PCBP3: variants seen among roughly 807,000 people sequenced by gnomAD.
PCBP3 encodes poly(rC)-binding protein 3.
Under a neutral mutation model 52.7 loss-of-function variants are expected in PCBP3, and 25 were observed. The observed-to-expected ratio is 0.47, with a 90% CI of 0.35 to 0.66. PCBP3 has a LOEUF of 0.66. Ranked by LOEUF, PCBP3 falls within the 30% of genes least tolerant of loss-of-function variation. The pLI, the probability that PCBP3 is intolerant of heterozygous loss-of-function variation, is 0.01. For missense variants in PCBP3, 391 were observed against 490.3 expected, an observed-to-expected ratio of 0.80 and a Z score of 1.91; for synonymous variants, 162 against 183.0, an observed-to-expected ratio of 0.89 and a Z score of 0.93.
chr21:45,831,780 G>A (rs1332303396), intron 4 of PCBP3, among the ~76,000 whole-genome samples: 3 of 152,174 alleles, frequency 2.0e-5, no homozygotes, highest in African/African-American at 7.2e-5. Flanking sequence ...GCGCAAATGT[G>A]GCTCACTGCA....
intron 2 of PCBP3, among the ~76,000 whole-genome samples, chr21:45,680,586 C>G (rs1434553340): frequency 2.6e-5 from 4 of 152,140 alleles, no homozygotes; most frequent in East Asian, 3.8e-4. Flanking sequence ...CTCATTGATT[C>G]TAGAAGCTTT....
chr21:45,713,762 T>C (rs914754562), intron 2 of PCBP3, among the ~76,000 whole-genome samples: 1 of 152,252 alleles, frequency 6.6e-6, no homozygotes, highest in African/African-American at 2.4e-5. Flanking sequence ...AGAATGACGC[T>C]GCAGATGTGC....
intron 10 of PCBP3, 149 bp from the exon 11 acceptor site, chr21:45,910,752 TG>T: frequency 1.4e-6 from 1 of 721,054 alleles, no homozygotes; most frequent in Non-Finnish European, 2.2e-6. Context: ...GGGGCAGTGC[TG>T]GGATGGCGGT....
At chr21:45,755,847 G>A (rs758372002) in intron 4 of PCBP3, among the ~76,000 whole-genome samples, 42 of 152,146 alleles carry the variant, frequency 2.8e-4, no homozygotes, top group Non-Finnish European at 5.3e-4. Flanking sequence ...TATCAGATAT[G>A]TATTTTTCAA....
intron 10 of PCBP3, 46 bp from the exon 11 acceptor site, chr21:45,910,856 A>G (rs772922235): frequency 9.0e-6 from 14 of 1,550,222 alleles, no homozygotes; most frequent in Non-Finnish European, 1.2e-5. Context: ...CTGCTGCCCC[A>G]TGCGCTGCTA....
rs562164457 is a variant in PCBP3 at position 45,852,180 on chromosome 21, G to A, written c.10+2085G>A. On this transcript the variant is annotated intron_variant, in intron 5 of 17. Transcript: ENST00000681687. ...GGTTTGATCATTAAATAATGTATAC[G>A]TGTATTGCAACATCATACTGTATCC... Among the ~76,000 whole-genome samples the A allele has an allele frequency of 8.5e-5, 13 of 152,322 alleles. No individual in the cohort carries two copies. The South Asian group carries it at 1.0e-3, about 12-fold the overall frequency.
intron 2 of PCBP3, among the ~76,000 whole-genome samples, chr21:45,711,665 T>G (rs2083849466): frequency 6.6e-6 from 1 of 152,248 alleles, no homozygotes; most frequent in African/African-American, 2.4e-5. Context: ...TAAAATGACT[T>G]AGGTCAGCAC....
At chr21:45,924,905 A>C (rs75852864) in intron 13 of PCBP3, among the ~76,000 whole-genome samples, 5 of 34,508 alleles carry the variant, frequency 1.4e-4, no homozygotes, top group African/African-American at 4.5e-4. Flanking sequence ...GGAACAGTCG[A>C]GTGGGTAGAA....
intron 2 of PCBP3, among the ~76,000 whole-genome samples, chr21:45,727,920 A>G (rs2085175823): frequency 6.6e-6 from 1 of 152,328 alleles, no homozygotes; most frequent in Middle Eastern, 3.4e-3. Context: ...ATTCTATTCC[A>G]TGGGTCAATT....
In PCBP3 at chr21:45,678,346, A is replaced by G. The variant is rs1005957167; in HGVS notation, c.-200+9394A>G. On this transcript the variant is annotated intron_variant, in intron 2 of 17. Coordinates refer to ENST00000681687, the MANE Select transcript of PCBP3 (RefSeq NM_001384156.1). ...TAATAATAATAAAATAAATAAATAC[A>G]TTTTGTAAGGCTATAGCTGCCACAG... 1.1e-4 allele frequency among the ~76,000 whole-genome samples: 16 copies of G among 151,864 alleles called. No individual in the cohort carries two copies. The South Asian group carries it at 1.9e-3, about 18-fold the overall frequency.
At chr21:45,887,337 C>G (rs1338308659) in intron 5 of PCBP3, among the ~76,000 whole-genome samples, 1 of 152,240 alleles carries the variant, frequency 6.6e-6, no homozygotes, top group African/African-American at 2.4e-5. Flanking sequence ...TCCTTTTGTG[C>G]ATGTGGCATC....
intron 4 of PCBP3, among the ~76,000 whole-genome samples, chr21:45,768,992 G>A (rs1442597450): frequency 4.6e-5 from 7 of 152,258 alleles, no homozygotes; most frequent in Admixed American, 4.6e-4. Flanking sequence ...CAGGAGGACG[G>A]TGTCTCTGCT....
intron 2 of PCBP3, among the ~76,000 whole-genome samples, chr21:45,710,205 A>G (rs981789759): frequency 6.6e-6 from 1 of 152,206 alleles, no homozygotes; most frequent in South Asian, 2.1e-4. Flanking sequence ...CACAACGTGC[A>G]GGTTTGTTAC....
Position 45,917,482 on chromosome 21 carries a change from G to C in PCBP3, c.676-106G>C. On this transcript the variant is annotated intron_variant, in intron 12 of 17. Transcript: ENST00000681687. This position sits in a 1 kb window ranked among gnomAD's most constrained non-coding sequence, Gnocchi z 5.3. ...GGGGACAGGTGGAGAGGCACACGAG[G>C]GGGAAGCTTCTACCGGAGGGTCCTT... 1 of 848,656 alleles carries C rather than the reference G, an allele frequency of 1.2e-6. No individual in the cohort carries two copies. The highest frequency in any genetic ancestry group is 1.8e-5 in the Admixed American group (1 of 56,376). 52.6% of individuals were successfully genotyped at this position (848,656 alleles called of 1,614,324 possible).
In PCBP3 at chr21:45,900,639, C is replaced by A; in HGVS notation, c.222+16C>A. On this transcript the variant is annotated intron_variant, in intron 8 of 17. Transcript: ENST00000681687. ...GCGTGAGGAGGTGAGTGTGGTGGGT[C>A]CCCACCTGTCCGCAGCCATTCCCGG... 6.3e-7 allele frequency: 1 copy of A among 1,575,030 alleles called. No individual in the cohort carries two copies. Among genetic ancestry groups the A allele is most frequent in the South Asian group, 1.1e-5 (1 of 90,302 alleles).
At chr21:45,753,194 T>C (rs2146377013) in intron 3 of PCBP3, among the ~76,000 whole-genome samples, 1 of 150,672 alleles carries the variant, frequency 6.6e-6, no homozygotes. Context: ...ACTATGACAG[T>C]TGTGTTCAAA....
At chr21:45,747,305 A>G (rs1457355527) in intron 3 of PCBP3, among the ~76,000 whole-genome samples, 1 of 152,314 alleles carries the variant, frequency 6.6e-6, no homozygotes, top group African/African-American at 2.4e-5. Flanking sequence ...ACCTCCCACG[A>G]CACGTGGGGA....
chr21:45,780,302 A>G (rs914246421), intron 4 of PCBP3, among the ~76,000 whole-genome samples: 6 of 152,260 alleles, frequency 3.9e-5, no homozygotes, highest in African/African-American at 1.4e-4. Context: ...CTGCTCTTCA[A>G]GATACACTGT....
chr21:45,724,436 C>T lies in PCBP3; in HGVS notation c.-199-10956C>T, dbSNP rs1182676357. ...GCTTTCTGCTCTCTGCTTGTTCATC[C>T]TCTCCCAACGGGGCAGCCCCAGAAG... On this transcript the variant is annotated intron_variant, in intron 2 of 17. Coordinates refer to ENST00000681687, the MANE Select transcript of PCBP3 (RefSeq NM_001384156.1). This position sits in a 1 kb window ranked among gnomAD's most constrained non-coding sequence, Gnocchi z 5.3. 6.6e-6 allele frequency among the ~76,000 whole-genome samples: 1 copy of T among 152,134 alleles called. No homozygotes were observed. The highest frequency in any genetic ancestry group is 2.4e-5 in the African/African-American group (1 of 41,430).
Sources: allele counts gnomAD v4.1 joint callset (sites outside exome capture counted in the v4.1 genomes callset), GRCh38; gene constraint gnomAD v4.1.1; non-coding constraint Gnocchi (gnomAD v3.1); transcripts MANE v1.5; gene names NCBI Gene and HGNC (gene_info 2026-07-23, HGNC 2026-07-21).